The following LRRC58 variants were observed in gnomAD, a reference collection of about 807,000 sequenced individuals.
LRRC58 encodes the protein leucine-rich repeat-containing protein 58.
LRRC58 carries 18 observed loss-of-function variants against 30.6 expected under a neutral mutation model. That is an observed-to-expected ratio of 0.59 (90% CI 0.41 to 0.87). LRRC58 has a LOEUF of 0.87. Ranked by LOEUF, LRRC58 falls within the 40% of genes least tolerant of loss-of-function variation. The pLI, the probability that LRRC58 is intolerant of heterozygous loss-of-function variation, is 0.00. For synonymous variants in LRRC58, 221 were observed against 206.0 expected (o/e 1.07, Z -0.62); for missense variants, 420 against 468.4 (o/e 0.90, Z 0.95).
In LRRC58 at chr3:120,328,897, A is replaced by G. The variant is rs1935717140; in HGVS notation, c.*2303T>C. ...AGAGTTTTCAACTATACATAGAACCATAACATTTTGTTGAAATAATACTGT... is the reference window on the plus strand; with the variant it reads ...AGAGTTTTCAACTATACATAGAACCGTAACATTTTGTTGAAATAATACTGT... On this transcript the variant is annotated 3_prime_UTR_variant, in exon 4 of 4. Transcript: ENST00000295628. 1 of 152,230 alleles carries G rather than the reference A, an allele frequency of 6.6e-6. No homozygotes were observed. The highest frequency in any genetic ancestry group is 6.5e-5 in the Admixed American group (1 of 15,290). The allele number at this position is 152,230 out of a possible 1,614,324, so 9.4% of individuals were successfully genotyped here.
chr3:120,343,768 G>A (rs536733383), intron 1 of LRRC58, among the ~76,000 whole-genome samples: 16 of 152,322 alleles, frequency 1.1e-4, no homozygotes, highest in African/African-American at 2.9e-4. Context: ...AGTGGTTCAC[G>A]TCTCTAATCC....
At chr3:120,339,096 T>G (rs1935871686) in intron 1 of LRRC58, among the ~76,000 whole-genome samples, 1 of 152,264 alleles carries the variant, frequency 6.6e-6, no homozygotes, top group Non-Finnish European at 1.5e-5. Flanking sequence ...TTGTGTTTTC[T>G]ATTATCATGG....
Position 120,326,711 on chromosome 3 carries a change from C to T in LRRC58, c.*4489G>A, listed in dbSNP as rs370676620. On this transcript the variant is annotated 3_prime_UTR_variant, in exon 4 of 4. Transcript: ENST00000295628. ...CTCTACCTCTGGATGAAAAAAGGAT[C>T]ATTTAGGTAAAAATTAAATGTTCCT... 1 of 152,122 alleles carries T rather than the reference C, an allele frequency of 6.6e-6. No homozygotes were observed. The highest frequency in any genetic ancestry group is 2.4e-5 in the African/African-American group (1 of 41,446). 9.4% of individuals were successfully genotyped at this position (152,122 alleles called of 1,614,324 possible).
At chr3:120,336,090 C>T (rs1414240399) in intron 1 of LRRC58, 137 bp from the exon 2 acceptor site, 1 of 626,894 alleles carries the variant, frequency 1.6e-6, no homozygotes, top group Non-Finnish European at 2.7e-6. Flanking sequence ...GCTATCCAGT[C>T]TCTAGAGAAA....
Position 120,325,635 on chromosome 3 carries a change from G to A in LRRC58, c.*5565C>T, listed in dbSNP as rs1314629062. On this transcript the variant is annotated 3_prime_UTR_variant, in exon 4 of 4. Transcript: ENST00000295628. ...AGTAAATATAGACCAAGAAGAGATAGAAAAAGAATGGGAGATATTTACATA... is the reference window on the plus strand; with the variant it reads ...AGTAAATATAGACCAAGAAGAGATAAAAAAAGAATGGGAGATATTTACATA... The A allele has an allele frequency of 6.6e-6, 1 of 152,098 alleles. No individual in the cohort carries two copies. The highest frequency in any genetic ancestry group is 1.5e-5 in the Non-Finnish European group (1 of 67,986). 9.4% of individuals were successfully genotyped at this position (152,098 alleles called of 1,614,324 possible).
At position 120,347,189 on chromosome 3, in the gene LRRC58, AT is replaced by A. The variant is rs1351627736; in HGVS notation, c.500+1554del. Among the ~76,000 whole-genome samples, 8 of 152,072 alleles carry A rather than the reference AT, an allele frequency of 5.3e-5. No homozygotes were observed. The East Asian group carries it at 1.5e-3, about 29-fold the overall frequency. ...GATCATGTTCACCATTGTATCCCCA[AT>A]ACTTGGGACAGTGCCTGACACAGGG... On this transcript the variant is annotated intron_variant, in intron 1 of 3. Transcript: ENST00000295628.
intron 1 of LRRC58, among the ~76,000 whole-genome samples, chr3:120,339,950 G>C (rs936204596): frequency 6.6e-6 from 1 of 152,004 alleles, no homozygotes; most frequent in Non-Finnish European, 1.5e-5. Context: ...TGCAATCTCT[G>C]CCTCTCTGGT....
At position 120,327,588 on chromosome 3, in the gene LRRC58, C is replaced by T. The variant is rs1183451647; in HGVS notation, c.*3612G>A. On this transcript the variant is annotated 3_prime_UTR_variant, in exon 4 of 4. Coordinates refer to ENST00000295628, the MANE Select transcript of LRRC58 (RefSeq NM_001099678.2). ...TTAACACTCCAGCAATCAGCCTCTT[C>T]CTTCTCTTTTTTCATTTAAATCTGA... 6.6e-6 allele frequency: 1 copy of T among 152,108 alleles called. No homozygotes were observed. The highest frequency in any genetic ancestry group is 1.5e-5 in the Non-Finnish European group (1 of 68,026). 9.4% of individuals were successfully genotyped at this position (152,108 alleles called of 1,614,324 possible).
In LRRC58 at chr3:120,330,223, TTCTA is replaced by T. The variant is rs1177630411; in HGVS notation, c.*973_*976del. 11 of 152,142 alleles carry T rather than the reference TTCTA, an allele frequency of 7.2e-5. No individual in the cohort carries two copies. The highest frequency in any genetic ancestry group is 1.0e-4 in the Non-Finnish European group (7 of 67,970). The allele number at this position is 152,142 out of a possible 1,614,324, so 9.4% of individuals were successfully genotyped here. A position where few individuals can be genotyped will look rare whatever the true frequency, so the allele number is the denominator to read the frequency against. The stretch of plus-strand genomic sequence containing the variant: ...CAAGATATAAAGAAGCTTTCCTAGC[TTCTA>T]TCTCTTTTAGAATTTTCTGTTAAAA... On this transcript the variant is annotated 3_prime_UTR_variant, in exon 4 of 4. Coordinates refer to ENST00000295628, the MANE Select transcript of LRRC58 (RefSeq NM_001099678.2).
Position 120,349,248 on chromosome 3 carries a change from G to C in LRRC58, c.-5C>G. The C allele has an allele frequency of 7.3e-7, 1 of 1,365,336 alleles. No individual in the cohort carries two copies. Among genetic ancestry groups the C allele is most frequent in the East Asian group, 3.1e-5 (1 of 32,566 alleles). 84.6% of individuals were successfully genotyped at this position (1,365,336 alleles called of 1,614,324 possible). On this transcript the variant is annotated 5_prime_UTR_variant, in exon 1 of 4. Transcript: ENST00000295628. ...CGCTGCTCCGGCCTCCTCCATCCTG[G>C]CCACCGCACGGCGCGTGGCGCCGGA...
At position 120,335,083 on chromosome 3, in the gene LRRC58, C is replaced by T. The variant is rs767568275; in HGVS notation, c.686G>A (p.Arg229Gln). Reference sequence around the variant, plus strand: ...CAAATGAATAAGGTTGAGGATCTCTCGAGGCAGATATGTCAGCAAGTTATT... The same window carrying T: ...CAAATGAATAAGGTTGAGGATCTCTTGAGGCAGATATGTCAGCAAGTTATT... ...LHNNLLTYLPREILNLIHLEE... is the reference protein window; with the variant it reads ...LHNNLLTYLPQEILNLIHLEE... The change falls in exon 3 of 4, where the codon CGA becomes CAA. Residue 229 changes from arginine (R) to glutamine (Q), a missense_variant. Around this residue, in one of 2 missense-constraint regions of LRRC58, gnomAD observed 154 missense variants for 216.8 expected, o/e 0.71. Transcript: ENST00000295628. 1.5e-5 allele frequency: 24 copies of T among 1,613,880 alleles called. No homozygotes were observed. Among genetic ancestry groups the T allele is most frequent in the Middle Eastern group, 1.7e-4 (1 of 6,058 alleles).
chr3:120,347,056 G>T (rs1935977171), intron 1 of LRRC58, among the ~76,000 whole-genome samples: 1 of 152,154 alleles, frequency 6.6e-6, no homozygotes, highest in African/African-American at 2.4e-5. Flanking sequence ...GCTTTCCCAT[G>T]TGCCTCTGTC....
chr3:120,349,308 G>T lies in LRRC58; in HGVS notation c.-65C>A. 3 of 1,326,618 alleles carry T rather than the reference G, an allele frequency of 2.3e-6. No homozygotes were observed. Among genetic ancestry groups the T allele is most frequent in the Admixed American group, 4.2e-5 (1 of 24,054 alleles). 82.2% of individuals were successfully genotyped at this position (1,326,618 alleles called of 1,614,324 possible). ...GCGCCGCGCGCGGTCCAGAGGCCGG[G>T]AGCTCTGCGGCGCCCCGGAACCTGA... On this transcript the variant is annotated 5_prime_UTR_variant, in exon 1 of 4. Coordinates refer to ENST00000295628, the MANE Select transcript of LRRC58 (RefSeq NM_001099678.2).
intron 1 of LRRC58, among the ~76,000 whole-genome samples, chr3:120,345,613 T>C (rs892812310): frequency 1.3e-5 from 2 of 152,226 alleles, no homozygotes; most frequent in African/African-American, 4.8e-5. Context: ...TGATAATAAA[T>C]CTAAGTTTCC....
rs759551906 is a variant in LRRC58, at chr3:120,334,902, G to C, written c.867C>G (p.Tyr289Ter). The C allele has an allele frequency of 4.3e-6, 7 of 1,613,730 alleles. No individual in the cohort carries two copies. The highest frequency in any genetic ancestry group is 5.9e-6 in the Non-Finnish European group (7 of 1,179,784). ...TTGGGCAATTGCTGGCTGAACCCAA[G>C]TATCTAAGAAGATTTCCAGGAAGAT... is the stretch of plus-strand genomic sequence containing the variant. ...PYDLPGNLLRYLGSASNCPNP... is the reference protein window; with the variant it reads ...PYDLPGNLLR Residue 289 changes from tyrosine to a stop codon, truncating the protein, a stop_gained, in exon 3 of 4, where the codon TAC (tyrosine) becomes TAG (stop). Coordinates refer to ENST00000295628, the MANE Select transcript of LRRC58 (RefSeq NM_001099678.2). LOFTEE classifies it high-confidence loss of function.
intron 1 of LRRC58, among the ~76,000 whole-genome samples, chr3:120,347,379 C>CTTTTTTTTTTTTTTTTTTGTTTTTTT (rs1935982807): frequency 1.8e-5 from 1 of 54,828 alleles, no homozygotes; most frequent in East Asian, 7.0e-4. Context: ...GGCCAATATT[C>CTTTTTTTTTTTTTTTTTTGTTTTTTT]TTTTTTTTTT....
intron 1 of LRRC58, among the ~76,000 whole-genome samples, chr3:120,345,203 C>T (rs1935953637): frequency 6.6e-6 from 1 of 152,078 alleles, no homozygotes; most frequent in African/African-American, 2.4e-5. Flanking sequence ...AGGTCAATGA[C>T]ACCAATTAAG....
intron 1 of LRRC58, among the ~76,000 whole-genome samples, chr3:120,337,773 A>G (rs1935853546): frequency 6.6e-6 from 1 of 152,112 alleles, no homozygotes; most frequent in African/African-American, 2.4e-5. Context: ...TATACTACAG[A>G]TACATTCAAG....
intron 1 of LRRC58, among the ~76,000 whole-genome samples, chr3:120,343,881 A>T (rs992661154): frequency 4.9e-4 from 74 of 151,564 alleles, no homozygotes; most frequent in African/African-American, 1.6e-3. Context: ...AATAAAATTT[A>T]AAAAAAAATT....
Sources: allele counts gnomAD v4.1 joint callset (sites outside exome capture counted in the v4.1 genomes callset), GRCh38; gene constraint gnomAD v4.1.1; regional missense constraint gnomAD v4.1.1; transcripts MANE v1.5; gene names NCBI Gene and HGNC (gene_info 2026-07-23, HGNC 2026-07-21).